The following DCUN1D4 variants were observed in gnomAD, a reference collection of about 807,000 sequenced individuals.
The protein encoded by DCUN1D4 is defective in cullin neddylation 1 domain containing 4.
DCUN1D4 carries 22 observed loss-of-function variants against 47.9 expected under a neutral mutation model. That is an observed-to-expected ratio of 0.46 (90% CI 0.33 to 0.66). The LOEUF (loss-of-function observed/expected upper bound fraction) is 0.66. Among genes scored for constraint, DCUN1D4 ranks in the 30% least tolerant of loss-of-function variants. The probability of loss-of-function intolerance (pLI) is 0.02; values close to 1 mark genes in which losing one functional copy is unlikely to be tolerated. For missense variants in DCUN1D4, 301 were observed against 340.8 expected (o/e 0.88, Z 0.92); for synonymous variants, 121 against 112.2 (o/e 1.08, Z -0.50).
chr4:51,860,905 C>T lies in DCUN1D4; in HGVS notation c.26-2532C>T, dbSNP rs184267077. 1.3e-4 allele frequency among the ~76,000 whole-genome samples: 20 copies of T among 152,274 alleles called. No homozygotes were observed. The East Asian group carries it at 3.7e-3, about 28-fold the overall frequency. ...CCACCTGCCTCAATTACAGAGGAAG[C>T]TCTGACCTTGGGATCATTGATGTAA... is the stretch of plus-strand genomic sequence containing the variant. On this transcript the variant is annotated intron_variant, in intron 1 of 10. Transcript: ENST00000334635.
the DCUN1D4 span, among the ~76,000 whole-genome samples, chr4:51,834,084 C>CTCTCTCTCTT: frequency 2.2e-5 from 1 of 44,992 alleles, no homozygotes; most frequent in African/African-American, 1.3e-4. Flanking sequence ...CTCTCTCTCT[C>CTCTCTCTCTT]TCTTTTCTTT....
intron 7 of DCUN1D4, among the ~76,000 whole-genome samples, chr4:51,895,619 CTG>C (rs1175597517): frequency 7.7e-6 from 1 of 129,998 alleles, no homozygotes; most frequent in African/African-American, 2.7e-5. Context: ...CTGCAATAAA[CTG>C]ATGATGGGCT....
chr4:51,857,930 G>C (rs780411391), intron 1 of DCUN1D4, among the ~76,000 whole-genome samples: 38 of 152,188 alleles, frequency 2.5e-4, no homozygotes, highest in Non-Finnish European at 4.6e-4. Flanking sequence ...TTAATATTAC[G>C]GGATACAGCA....
At chr4:51,834,438 T>G in the DCUN1D4 span, among the ~76,000 whole-genome samples, 1 of 151,898 alleles carries the variant, frequency 6.6e-6, no homozygotes, top group Non-Finnish European at 1.5e-5. Context: ...CTCCATTTCA[T>G]GATGCTGAAA....
At chr4:51,847,196 G>T (rs1431895767) in intron 1 of DCUN1D4, among the ~76,000 whole-genome samples, 1 of 152,204 alleles carries the variant, frequency 6.6e-6, no homozygotes, top group African/African-American at 2.4e-5. Context: ...TTGGCCAGCT[G>T]TCTCTGGCTT....
chr4:51,906,552 C>T (rs1224244943), intron 8 of DCUN1D4, among the ~76,000 whole-genome samples: 2 of 152,184 alleles, frequency 1.3e-5, no homozygotes, highest in African/African-American at 4.8e-5. Flanking sequence ...CTCAAACACA[C>T]GTGTGTCCAC....
At chr4:51,850,936 G>A (rs1374820076) in intron 1 of DCUN1D4, among the ~76,000 whole-genome samples, 1 of 152,138 alleles carries the variant, frequency 6.6e-6, no homozygotes, top group Non-Finnish European at 1.5e-5. Context: ...AGAGGCTGGG[G>A]TGCTTAGAGT....
chr4:51,894,851 C>G (rs531295271), intron 7 of DCUN1D4, among the ~76,000 whole-genome samples: 4 of 152,146 alleles, frequency 2.6e-5, no homozygotes, highest in Non-Finnish European at 5.9e-5. Context: ...GCAGCTATAA[C>G]AGAATGTTTT....
intron 8 of DCUN1D4, among the ~76,000 whole-genome samples, chr4:51,902,978 C>G (rs1037437940): frequency 5.3e-5 from 8 of 152,122 alleles, no homozygotes; most frequent in African/African-American, 1.9e-4. Flanking sequence ...TGTGTACTTT[C>G]ATTTTGCCCT....
chr4:51,843,393 A>C, intron 1 of DCUN1D4, 126 bp downstream of exon 1: 1 of 1,298,792 alleles, frequency 7.7e-7, no homozygotes, highest in Non-Finnish European at 9.9e-7. Flanking sequence ...CCTGGGAACC[A>C]CCCCTTCCCC....
intron 3 of DCUN1D4, among the ~76,000 whole-genome samples, chr4:51,872,051 G>T (rs998933072): frequency 1.3e-5 from 2 of 152,162 alleles, no homozygotes; most frequent in Non-Finnish European, 2.9e-5. Context: ...CCCAGGAATG[G>T]TGGCTGAGGG....
At chr4:51,907,486 A>G (rs896238098) in intron 8 of DCUN1D4, among the ~76,000 whole-genome samples, 5 of 152,208 alleles carry the variant, frequency 3.3e-5, no homozygotes, top group African/African-American at 1.2e-4. Flanking sequence ...CTGTGGCCTC[A>G]ATTGGAACAC....
intron 1 of DCUN1D4, among the ~76,000 whole-genome samples, chr4:51,862,509 T>C (rs1301532459): frequency 6.6e-6 from 1 of 152,152 alleles, no homozygotes; most frequent in African/African-American, 2.4e-5. Flanking sequence ...GCTTTTTTTC[T>C]TTCTTTCTTT....
At chr4:51,867,623 G>T (rs548244607) in intron 3 of DCUN1D4, among the ~76,000 whole-genome samples, 2 of 152,198 alleles carry the variant, frequency 1.3e-5, no homozygotes, top group Non-Finnish European at 2.9e-5. Flanking sequence ...CTGCAGGCAG[G>T]TTGTCCTGTC....
rs1182423987 is a variant in DCUN1D4 at position 51,915,777 on chromosome 4, A to G, written c.*2193A>G. ...TTACAGGAGGGAGATGTTACAGTTAATCCACAATCAACATTTTGATGGTAG... is the reference window on the plus strand; with the variant it reads ...TTACAGGAGGGAGATGTTACAGTTAGTCCACAATCAACATTTTGATGGTAG... On this transcript the variant is annotated 3_prime_UTR_variant, in exon 11 of 11. Coordinates refer to ENST00000334635, the MANE Select transcript of DCUN1D4 (RefSeq NM_001040402.3). 6.6e-6 allele frequency: 1 copy of G among 152,570 alleles called. No individual in the cohort carries two copies. The highest frequency in any genetic ancestry group is 1.5e-5 in the Non-Finnish European group (1 of 68,014). 9.5% of individuals were successfully genotyped at this position (152,570 alleles called of 1,614,324 possible). A position where few individuals can be genotyped will look rare whatever the true frequency, so the allele number is the denominator to read the frequency against.
chr4:51,844,078 T>G (rs6838249), intron 1 of DCUN1D4, among the ~76,000 whole-genome samples: 56,504 of 131,362 alleles, frequency 0.43, 14,064 homozygotes, highest in African/African-American at 0.72. Flanking sequence ...AAAAGGTGGG[T>G]AGGATTTGGG....
At chr4:51,910,998 T>C in intron 8 of DCUN1D4, 72 bp from the exon 9 acceptor site, 2 of 1,405,394 alleles carry the variant, frequency 1.4e-6, no homozygotes, top group Admixed American at 1.7e-5. Flanking sequence ...TTGAAGTGAA[T>C]ACACATTTGC....
At chr4:51,845,315 G>A (rs1169297847) in intron 1 of DCUN1D4, 2 of 976,844 alleles carry the variant, frequency 2.0e-6, no homozygotes, top group Non-Finnish European at 2.4e-6. Flanking sequence ...AAAAATAACT[G>A]TCTTGAAATG....
At chr4:51,848,289 G>A (rs1191815587) in intron 1 of DCUN1D4, 2 of 1,289,060 alleles carry the variant, frequency 1.6e-6, no homozygotes, top group African/African-American at 3.0e-5. Context: ...CAGAAGGAGT[G>A]TTTGTGAATG....
Sources: gnomAD v4.1 joint callset for allele counts (sites outside exome capture counted in the v4.1 genomes callset) on GRCh38, gnomAD v4.1.1 for gene constraint, MANE v1.5 for transcripts, NCBI Gene and HGNC (gene_info 2026-07-23, HGNC 2026-07-21) for gene names.